TMIGD3: variants seen among roughly 807,000 people sequenced by gnomAD.
TMIGD3 encodes the protein transmembrane and immunoglobulin domain containing 3, also known as AD026 protein (AD026).
Under a neutral mutation model 28.1 loss-of-function variants are expected in TMIGD3, and 21 were observed. The ratio of observed to expected loss-of-function variants is 0.75; its 90% CI spans 0.53 to 1.08. TMIGD3 has a LOEUF of 1.08. Among genes scored for constraint, TMIGD3 ranks in the 50% least tolerant of loss-of-function variants. The probability of loss-of-function intolerance (pLI) is 0.00; values close to 1 mark genes in which losing one functional copy is unlikely to be tolerated. For synonymous variants in TMIGD3, 151 were observed against 162.1 expected, an observed-to-expected ratio of 0.93 and a Z score of 0.52; for missense variants, 416 against 435.6, an observed-to-expected ratio of 0.96 and a Z score of 0.40.
intron 1 of TMIGD3, among the ~76,000 whole-genome samples, chr1:111,549,765 C>A (rs1384305436): frequency 6.6e-6 from 1 of 152,134 alleles, no homozygotes; most frequent in Non-Finnish European, 1.5e-5. Flanking sequence ...CCTTCCACTG[C>A]AGCCCCCCAT....
At chr1:111,486,725 T>A in intron 3 of TMIGD3, 73 bp from the exon 4 acceptor site, 1 of 1,255,652 alleles carries the variant, frequency 8.0e-7, no homozygotes, top group Non-Finnish European at 1.2e-6. Context: ...CAGCTGCAGC[T>A]CTGCCTGTCA....
At chr1:111,497,600 A>T (rs1654952782) in intron 1 of TMIGD3, among the ~76,000 whole-genome samples, 1 of 152,170 alleles carries the variant, frequency 6.6e-6, no homozygotes, top group Non-Finnish European at 1.5e-5. Flanking sequence ...TAAAAAACAC[A>T]ACTCCCAGCA....
At chr1:111,518,638 T>C (rs4838913) in intron 1 of TMIGD3, among the ~76,000 whole-genome samples, 40,885 of 152,130 alleles carry the variant, frequency 0.27, 6,321 homozygotes, top group Non-Finnish European at 0.35. Flanking sequence ...GCAGCAGAGA[T>C]AGAATCTGAA....
At chr1:111,519,518 G>A (rs114252155) in intron 1 of TMIGD3, among the ~76,000 whole-genome samples, 1,663 of 152,216 alleles carry the variant, frequency 0.011, 29 homozygotes, top group African/African-American at 0.035. Context: ...ATTTGCAAAT[G>A]ACTCCACAGC....
chr1:111,504,835 C>G, upstream of TMIGD3: 1 of 984,840 alleles, frequency 1.0e-6, no homozygotes, highest in Non-Finnish European at 1.2e-6. Flanking sequence ...CCCTGTATCC[C>G]AAGTTGATCC....
chr1:111,551,467 T>G (rs1657256228), intron 1 of TMIGD3, among the ~76,000 whole-genome samples: 1 of 152,222 alleles, frequency 6.6e-6, no homozygotes, highest in Non-Finnish European at 1.5e-5. Flanking sequence ...TTTATAACAA[T>G]GTAATTAGGA....
chr1:111,532,270 T>C (rs1379146029), intron 1 of TMIGD3, among the ~76,000 whole-genome samples: 2 of 152,140 alleles, frequency 1.3e-5, no homozygotes, highest in Non-Finnish European at 2.9e-5. Context: ...CTAGCCACCT[T>C]GGTTTCTCTG....
intron 1 of TMIGD3, among the ~76,000 whole-genome samples, chr1:111,541,550 G>A (rs551934197): frequency 3.3e-5 from 5 of 152,280 alleles, no homozygotes; most frequent in African/African-American, 4.8e-5. Flanking sequence ...AAGTGGTGAC[G>A]CTTGGCAGAC....
At chr1:111,521,744 C>G (rs1399244133) in intron 1 of TMIGD3, among the ~76,000 whole-genome samples, 2 of 152,088 alleles carry the variant, frequency 1.3e-5, no homozygotes, top group Admixed American at 1.3e-4. Flanking sequence ...TTAAGAGTGC[C>G]TTATGAAGGA....
At chr1:111,516,199 A>G (rs951963436) in intron 1 of TMIGD3, among the ~76,000 whole-genome samples, 3 of 152,254 alleles carry the variant, frequency 2.0e-5, no homozygotes, top group African/African-American at 7.2e-5. Context: ...TGGCCTAAGC[A>G]GGAAGCTGCT....
chr1:111,512,354 G>A (rs981941016), intron 1 of TMIGD3, among the ~76,000 whole-genome samples: 2 of 152,212 alleles, frequency 1.3e-5, no homozygotes, highest in African/African-American at 4.8e-5. Flanking sequence ...CATCAGGCCC[G>A]CCCCACTCCA....
At chr1:111,491,997 T>C (rs1179955035) in intron 1 of TMIGD3, among the ~76,000 whole-genome samples, 2 of 152,204 alleles carry the variant, frequency 1.3e-5, no homozygotes, top group Non-Finnish European at 2.9e-5. Flanking sequence ...GCAGAAGTGA[T>C]GGCATGTGAT....
chr1:111,541,429 G>A (rs1309123128), intron 1 of TMIGD3, among the ~76,000 whole-genome samples: 1 of 152,182 alleles, frequency 6.6e-6, no homozygotes, highest in Non-Finnish European at 1.5e-5. Flanking sequence ...ATACAGTGAT[G>A]ACTGAACTAA....
chr1:111,507,037 G>A (rs1200165637), upstream of TMIGD3, among the ~76,000 whole-genome samples: 96 of 48,638 alleles, frequency 2.0e-3, no homozygotes, highest in Middle Eastern at 0.019. Context: ...GTGTGTGTGT[G>A]TGTATATATA....
At chr1:111,497,380 G>T (rs961841525) in intron 1 of TMIGD3, among the ~76,000 whole-genome samples, 4 of 152,186 alleles carry the variant, frequency 2.6e-5, no homozygotes, top group Admixed American at 2.0e-4. Flanking sequence ...AAAGTGCTGG[G>T]ATTACAGGCA....
At chr1:111,556,044 C>T (rs1249518128) in intron 1 of TMIGD3, among the ~76,000 whole-genome samples, 2 of 152,170 alleles carry the variant, frequency 1.3e-5, no homozygotes, top group Non-Finnish European at 2.9e-5. Flanking sequence ...ATAAAACGCA[C>T]AAGAAACTCC....
chr1:111,553,170 C>T (rs1557847093), intron 1 of TMIGD3, among the ~76,000 whole-genome samples: 1 of 152,184 alleles, frequency 6.6e-6, no homozygotes, highest in Non-Finnish European at 1.5e-5. Context: ...GACTGTCTTC[C>T]TCTAGAGCAG....
At position 111,503,612 on chromosome 1, in the gene TMIGD3, G is replaced by A; in HGVS notation, c.-258C>T. 2 of 1,312,052 alleles carry A rather than the reference G, an allele frequency of 1.5e-6. No individual in the cohort carries two copies. Among genetic ancestry groups the A allele is most frequent in the South Asian group, 3.3e-5 (2 of 60,854 alleles). The allele number at this position is 1,312,052 out of a possible 1,614,324, so 81.3% of individuals were successfully genotyped here. ...CACATCCTCAAGTTTCCAGAATGCTGTAGGACAGCTCTATATGGACTGAAT... is the reference window on the plus strand; with the variant it reads ...CACATCCTCAAGTTTCCAGAATGCTATAGGACAGCTCTATATGGACTGAAT... On this transcript the variant is annotated 5_prime_UTR_variant, in exon 1 of 6. Coordinates refer to ENST00000369716, the MANE Select transcript of TMIGD3 (RefSeq NM_020683.7).
intron 5 of TMIGD3, chr1:111,485,236 C>A (rs1654304161): frequency 6.6e-6 from 1 of 152,466 alleles, no homozygotes; most frequent in Non-Finnish European, 1.5e-5. Flanking sequence ...TGGCAGGCGC[C>A]TGTGGGCCCA....
Sources: gnomAD v4.1 joint callset for allele counts (sites outside exome capture counted in the v4.1 genomes callset) on GRCh38, gnomAD v4.1.1 for gene constraint, MANE v1.5 for transcripts, NCBI Gene and HGNC (gene_info 2026-07-23, HGNC 2026-07-21) for gene names.